The following PRKN variants were observed in gnomAD, a reference collection of about 807,000 sequenced individuals.
PRKN encodes parkin RBR E3 ubiquitin protein ligase.
A neutral mutation model predicts 59.5 loss-of-function variants in PRKN; 56 were observed. The ratio of observed to expected loss-of-function variants is 0.94; its 90% CI spans 0.76 to 1.18. PRKN has a LOEUF of 1.18. Ranked by LOEUF, PRKN falls within the 50% of genes most tolerant of loss-of-function variation. The probability of loss-of-function intolerance (pLI) is 0.00; values close to 1 mark genes in which losing one functional copy is unlikely to be tolerated. For missense variants in PRKN, 657 were observed against 596.4 expected, an observed-to-expected ratio of 1.10 and a Z score of -1.06; for synonymous variants, 250 against 222.1, an observed-to-expected ratio of 1.13 and a Z score of -1.12.
chr6:161,403,326 C>T (rs566312710), intron 9 of PRKN, among the ~76,000 whole-genome samples: 1 of 152,014 alleles, frequency 6.6e-6, no homozygotes, highest in Non-Finnish European at 1.5e-5. Flanking sequence ...TAAAAAAGCA[C>T]AAAAAAGCCA....
At chr6:162,438,601 C>T (rs1246499536) in intron 2 of PRKN, among the ~76,000 whole-genome samples, 3 of 152,078 alleles carry the variant, frequency 2.0e-5, no homozygotes, top group African/African-American at 7.2e-5. Flanking sequence ...ATTTGAAAAA[C>T]ATTGTGCCAC....
rs757695964 is a variant in PRKN, at chr6:162,443,291, G to A, written c.171+19C>T. ...TGGAGCTGGCGGCATCCCAAGAACG[G>A]CCGCCAAGGGAGACTCACCTGCACA... On this transcript the variant is annotated intron_variant, in intron 2 of 11. Transcript: ENST00000366898. 1.2e-6 allele frequency: 2 copies of A among 1,611,560 alleles called. No homozygotes were observed. The highest frequency in any genetic ancestry group is 8.5e-7 in the Non-Finnish European group (1 of 1,179,832).
At chr6:162,624,103 C>A (rs959652939) in intron 1 of PRKN, among the ~76,000 whole-genome samples, 1 of 151,826 alleles carries the variant, frequency 6.6e-6, no homozygotes, top group African/African-American at 2.4e-5. Context: ...ACAAAATTAA[C>A]TGGGCATGGT....
chr6:161,350,336 G>T, intron 11 of PRKN, 125 bp from the exon 12 acceptor site: 1 of 693,144 alleles, frequency 1.4e-6, no homozygotes, highest in Non-Finnish European at 2.6e-6. Context: ...CAATACAAGG[G>T]CAGAGAGAAA....
intron 6 of PRKN, among the ~76,000 whole-genome samples, chr6:161,874,584 T>C (rs1313444965): frequency 9.6e-6 from 1 of 103,800 alleles, no homozygotes. Flanking sequence ...TTATGTAAAA[T>C]ATATATTGTA....
intron 2 of PRKN, among the ~76,000 whole-genome samples, chr6:162,343,966 G>A (rs566896479): frequency 5.3e-5 from 8 of 152,278 alleles, no homozygotes; most frequent in Admixed American, 1.3e-4. Flanking sequence ...AAGAAACGTG[G>A]TCTGTGGTCA....
intron 1 of PRKN, among the ~76,000 whole-genome samples, chr6:162,471,343 C>G (rs531816406): frequency 6.6e-6 from 1 of 152,234 alleles, no homozygotes; most frequent in Admixed American, 6.5e-5. Flanking sequence ...GGTGATTCAC[C>G]TGCCTCAGCC....
intron 1 of PRKN, among the ~76,000 whole-genome samples, chr6:162,567,941 G>C (rs915035781): frequency 6.6e-6 from 1 of 152,256 alleles, no homozygotes; most frequent in Admixed American, 6.5e-5. Flanking sequence ...AAACAGAACA[G>C]AGAGCCAAGA....
rs1035007358 is a variant in PRKN, at chr6:161,466,177, C to A, written c.1084-79300G>T. 1.3e-5 allele frequency among the ~76,000 whole-genome samples: 2 copies of A among 152,084 alleles called. No individual in the cohort carries two copies. Among genetic ancestry groups the A allele is most frequent in the African/African-American group, 4.8e-5 (2 of 41,426 alleles). ...CTAGTCACCATGCTGTACATTAGAT[C>A]CCCCTGTGTTTCTATTTGAACAGTT... On this transcript the variant is annotated intron_variant, in intron 9 of 11. Transcript: ENST00000366898. The surrounding 1 kb of genome is among the most constrained non-coding windows in gnomAD (Gnocchi z 5.0).
intron 6 of PRKN, among the ~76,000 whole-genome samples, chr6:161,944,006 G>GCAGCCTGAGGAAGGACCCTGAGGGAC (rs1562407489): frequency 3.6e-5 from 5 of 137,970 alleles, no homozygotes; most frequent in African/African-American, 1.4e-4. Context: ...GCCTGAGGAA[G>GCAGCCTGAGGAAGGACCCTGAGGGAC]CAGCCTGAGG....
chr6:162,236,631 CAA>C (rs59445175), intron 3 of PRKN, among the ~76,000 whole-genome samples: 15,192 of 146,702 alleles, frequency 0.1, 835 homozygotes, highest in African/African-American at 0.14. Context: ...ACTAAAAATA[CAA>C]AAAAAAAAAA....
intron 1 of PRKN, among the ~76,000 whole-genome samples, chr6:162,450,158 A>G (rs1790519048): frequency 6.6e-6 from 1 of 152,208 alleles, no homozygotes; most frequent in South Asian, 2.1e-4. Context: ...TGAATGATGA[A>G]GGTGCGTTAT....
chr6:161,953,970 C>G (rs905628963), intron 6 of PRKN, among the ~76,000 whole-genome samples: 2 of 152,132 alleles, frequency 1.3e-5, no homozygotes, highest in East Asian at 3.9e-4. Flanking sequence ...ACATTCCAAG[C>G]CTCTTCCCAC....
chr6:162,176,779 T>C (rs1783557224), intron 4 of PRKN, among the ~76,000 whole-genome samples: 2 of 152,148 alleles, frequency 1.3e-5, no homozygotes, highest in Admixed American at 1.3e-4. Flanking sequence ...AAAAGGTTAC[T>C]ATCTGCCATA....
At chr6:162,197,741 A>G (rs1363495112) in intron 4 of PRKN, among the ~76,000 whole-genome samples, 2 of 152,208 alleles carry the variant, frequency 1.3e-5, no homozygotes, top group African/African-American at 2.4e-5. Context: ...AAATCAGTAC[A>G]CTGTAGTGAA....
chr6:162,617,927 C>A (rs574380730), intron 1 of PRKN, among the ~76,000 whole-genome samples: 2 of 152,146 alleles, frequency 1.3e-5, no homozygotes, highest in South Asian at 4.1e-4. Flanking sequence ...CTCAGAGCAG[C>A]CCCAGTAACA....
chr6:162,580,257 C>A (rs1043662039), intron 1 of PRKN, among the ~76,000 whole-genome samples: 1 of 151,854 alleles, frequency 6.6e-6, no homozygotes, highest in Admixed American at 6.6e-5. Context: ...GGTAACATTG[C>A]GGAACCCTAT....
chr6:161,957,456 C>T (rs1780221862), intron 6 of PRKN, among the ~76,000 whole-genome samples: 2 of 143,460 alleles, frequency 1.4e-5, no homozygotes, highest in Non-Finnish European at 3.0e-5. Flanking sequence ...GCCAGAGTCT[C>T]ACTCTGTCAT....
rs59995115 is a variant in PRKN, at chr6:162,643,397, C to CAAAAAAAAA, written c.7+84256_7+84264dup. On this transcript the variant is annotated intron_variant, in intron 1 of 11. Coordinates refer to ENST00000366898, the MANE Select transcript of PRKN (RefSeq NM_004562.3). ...TGGGTGACAGAGCAAGACTCTGCCT[C>CAAAAAAAAA]AAAAAAAAAAAAAAAAAAGAAAGAA... is the stretch of plus-strand genomic sequence containing the variant. 5.7e-4 allele frequency among the ~76,000 whole-genome samples: 47 copies of CAAAAAAAAA among 82,310 alleles called. 1 individual carries two copies. The highest frequency in any genetic ancestry group is 7.2e-4 in the Admixed American group (4 of 5,578). The allele number at this position is 82,310 out of a possible 152,430, so 54.0% of individuals were successfully genotyped here. A position where few individuals can be genotyped will look rare whatever the true frequency, so the allele number is the denominator to read the frequency against.
Sources: allele counts gnomAD v4.1 joint callset (sites outside exome capture counted in the v4.1 genomes callset), GRCh38; gene constraint gnomAD v4.1.1; non-coding constraint Gnocchi (gnomAD v3.1); transcripts MANE v1.5; gene names NCBI Gene and HGNC (gene_info 2026-07-23, HGNC 2026-07-21).